NSMCE2: variants seen among roughly 807,000 people sequenced by gnomAD.
NSMCE2 encodes NSE2 SUMO ligase component of SMC5/6 complex, also known as E3 SUMO-protein ligase NSE2.
NSMCE2 carries 24 observed loss-of-function variants against 23.8 expected under a neutral mutation model. The observed-to-expected ratio is 1.01, with a 90% CI of 0.73 to 1.42. The LOEUF (loss-of-function observed/expected upper bound fraction) is 1.42. NSMCE2 is among the 40% of genes most tolerant of loss of function. The probability of loss-of-function intolerance (pLI) is 0.00; values close to 1 mark genes in which losing one functional copy is unlikely to be tolerated. For missense variants in NSMCE2, 284 were observed against 296.5 expected (o/e 0.96, Z 0.31); for synonymous variants, 92 against 94.1 (o/e 0.98, Z 0.13).
intron 3 of NSMCE2, among the ~76,000 whole-genome samples, chr8:125,113,890 T>G (rs746079528): frequency 1.2e-4 from 18 of 152,144 alleles, no homozygotes; most frequent in Non-Finnish European, 1.5e-5. Flanking sequence ...GGTTCTAGGA[T>G]TGGGTAGAGG....
intron 4 of NSMCE2, among the ~76,000 whole-genome samples, chr8:125,151,561 A>C (rs1040209056): frequency 1.3e-5 from 2 of 152,212 alleles, no homozygotes; most frequent in African/African-American, 4.8e-5. Context: ...GGAGATTTTT[A>C]TAAAATCCTA....
intron 5 of NSMCE2, among the ~76,000 whole-genome samples, chr8:125,219,232 G>A (rs1824736678): frequency 6.6e-6 from 1 of 152,148 alleles, no homozygotes; most frequent in Non-Finnish European, 1.5e-5. Context: ...TACTTTCAGT[G>A]TTCCAAAGCC....
chr8:125,345,051 C>A (rs1358854174), intron 5 of NSMCE2, among the ~76,000 whole-genome samples: 2 of 150,996 alleles, frequency 1.3e-5, no homozygotes, highest in Non-Finnish European at 2.9e-5. Context: ...AAAACCTCCA[C>A]ATTTTTGACA....
At chr8:125,191,659 G>A (rs1823348743) in intron 5 of NSMCE2, among the ~76,000 whole-genome samples, 1 of 152,174 alleles carries the variant, frequency 6.6e-6, no homozygotes, top group African/African-American at 2.4e-5. Context: ...CAGTGCCTAA[G>A]AATTATGTTT....
chr8:125,340,137 C>G (rs1454147254), intron 5 of NSMCE2, among the ~76,000 whole-genome samples: 1 of 151,024 alleles, frequency 6.6e-6, no homozygotes, highest in African/African-American at 2.4e-5. Flanking sequence ...GCCTCAGCCT[C>G]CCGAGTAGCT....
chr8:125,180,194 T>C (rs1413085684), intron 4 of NSMCE2, among the ~76,000 whole-genome samples: 1 of 152,228 alleles, frequency 6.6e-6, no homozygotes, highest in Non-Finnish European at 1.5e-5. Flanking sequence ...ATTCTTGAGA[T>C]ATAAGGCACT....
At chr8:125,155,478 A>G (rs182642376) in intron 4 of NSMCE2, among the ~76,000 whole-genome samples, 19 of 152,298 alleles carry the variant, frequency 1.2e-4, no homozygotes, top group Admixed American at 7.8e-4. Context: ...TGAGTAACCT[A>G]AGATTGGTCA....
rs568996011 is a variant in NSMCE2, at chr8:125,355,566, G to A, written c.419-1653G>A. On this transcript the variant is annotated intron_variant, in intron 5 of 7. Transcript: ENST00000287437. ...AATACAAAAATTAGCCAGGCATGGT[G>A]TCGTGCACCTATACTCCCAGCTACT... Among the ~76,000 whole-genome samples the A allele has an allele frequency of 2.6e-5, 4 of 152,196 alleles. No individual in the cohort carries two copies. In the South Asian group the frequency reaches 6.2e-4, roughly 24 times the overall value.
chr8:125,342,930 C>G (rs931231053), intron 5 of NSMCE2, among the ~76,000 whole-genome samples: 1 of 152,086 alleles, frequency 6.6e-6, no homozygotes, highest in Non-Finnish European at 1.5e-5. Context: ...GGGCTTTGAT[C>G]TTTTTAATAT....
chr8:125,107,330 A>G (rs1818513601), intron 3 of NSMCE2, among the ~76,000 whole-genome samples: 1 of 151,568 alleles, frequency 6.6e-6, no homozygotes, highest in Non-Finnish European at 1.5e-5. Context: ...AGTAGCTCGG[A>G]TTACAGGTGC....
chr8:125,232,409 A>C (rs1238470703), intron 5 of NSMCE2, among the ~76,000 whole-genome samples: 1 of 152,146 alleles, frequency 6.6e-6, no homozygotes, highest in Non-Finnish European at 1.5e-5. Context: ...AGCACTGTGC[A>C]CATGATAAGA....
Position 125,158,143 on chromosome 8 carries a change from A to G in NSMCE2, c.264+6866A>G, listed in dbSNP as rs573580938. Among the ~76,000 whole-genome samples the G allele has an allele frequency of 3.9e-5, 6 of 152,286 alleles. No homozygotes were observed. The South Asian group carries it at 8.3e-4, about 21-fold the overall frequency. On this transcript the variant is annotated intron_variant, in intron 4 of 7. Transcript: ENST00000287437. ...CTAATTTTACGAAGGAGGCTGTGAG[A>G]TAGGTCCAGCACTTTGTGGCAGAGT...
intron 5 of NSMCE2, among the ~76,000 whole-genome samples, chr8:125,316,387 T>C (rs1829177739): frequency 6.6e-6 from 1 of 152,198 alleles, no homozygotes; most frequent in Non-Finnish European, 1.5e-5. Flanking sequence ...TAGGCAACAA[T>C]ATGAAGAAAG....
chr8:125,225,003 A>C (rs1157048182), intron 5 of NSMCE2, among the ~76,000 whole-genome samples: 1 of 152,228 alleles, frequency 6.6e-6, no homozygotes, highest in Admixed American at 6.5e-5. Flanking sequence ...GATTTTTTCA[A>C]ATTAGTGATT....
rs565593006 is a variant in NSMCE2, at chr8:125,170,376, C to CTT, written c.265-11689_265-11688dup. On this transcript the variant is annotated intron_variant, in intron 4 of 7. Transcript: ENST00000287437. ...CATCAATAAACCTTACTCTTTATTT[C>CTT]TTTTTTTTTTTTTTTTTTTTTTTTT... Among the ~76,000 whole-genome samples the CTT allele has an allele frequency of 7.9e-4, 30 of 37,864 alleles. 5 individuals are homozygous for CTT. Among genetic ancestry groups the CTT allele is most frequent in the South Asian group, 1.4e-3 (1 of 706 alleles). 24.8% of individuals were successfully genotyped at this position (37,864 alleles called of 152,430 possible). A position where few individuals can be genotyped will look rare whatever the true frequency, so the allele number is the denominator to read the frequency against.
At chr8:125,133,776 C>T (rs1183629582) in intron 3 of NSMCE2, among the ~76,000 whole-genome samples, 1 of 148,248 alleles carries the variant, frequency 6.7e-6, no homozygotes, top group Non-Finnish European at 1.5e-5. Context: ...AAAACAAAAA[C>T]CAAAACAAAA....
chr8:125,291,320 T>C (rs960375412), intron 5 of NSMCE2, among the ~76,000 whole-genome samples: 8 of 152,260 alleles, frequency 5.3e-5, no homozygotes, highest in African/African-American at 1.9e-4. Context: ...GAGCATGGGT[T>C]GCTAAAAGGT....
rs146601791 is a variant in NSMCE2 at position 125,108,716 on chromosome 8, A to G, written c.157+6229A>G. ...GCCTGTGATGTGAAGAGGGTAAGAA[A>G]GATGGATGAGTTTGGAAGTCTGTGT... On this transcript the variant is annotated intron_variant, in intron 3 of 7. Transcript: ENST00000287437. Among the ~76,000 whole-genome samples the G allele has an allele frequency of 6.8e-4, 104 of 152,344 alleles. 1 individual carries two copies. The East Asian group carries it at 0.018, about 27-fold the overall frequency.
chr8:125,322,672 A>C (rs992170621), intron 5 of NSMCE2, among the ~76,000 whole-genome samples: 1 of 152,228 alleles, frequency 6.6e-6, no homozygotes, highest in Non-Finnish European at 1.5e-5. Flanking sequence ...GGAGTAGTAA[A>C]ATTTGCAGAT....
Sources: gnomAD v4.1 joint callset for allele counts (sites outside exome capture counted in the v4.1 genomes callset) on GRCh38, gnomAD v4.1.1 for gene constraint, MANE v1.5 for transcripts, NCBI Gene and HGNC (gene_info 2026-07-23, HGNC 2026-07-21) for gene names.